The following SLC38A12 variants were observed in gnomAD, a reference collection of about 807,000 sequenced individuals.
SLC38A12 encodes solute carrier family 38 member 12.
chr17:74,838,816 G>A, the SLC38A12 span: 50 of 1,515,470 alleles, frequency 3.3e-5, no homozygotes, highest in African/African-American at 4.1e-5. Context: ...ACGTGCATCC[G>A]GCACGTTTCA....
chr17:74,831,268 G>A, the SLC38A12 span, among the ~76,000 whole-genome samples: 3 of 152,114 alleles, frequency 2.0e-5, no homozygotes, highest in African/African-American at 7.2e-5. Flanking sequence ...CTGGACTCTG[G>A]TACCCTGGAC....
the SLC38A12 span, chr17:74,788,903 C>T: frequency 5.6e-6 from 9 of 1,596,074 alleles, no homozygotes; most frequent in East Asian, 4.5e-5. Flanking sequence ...CGGGCCATGC[C>T]TCTGTTCCGT....
chr17:74,806,650 A>G, the SLC38A12 span, among the ~76,000 whole-genome samples: 1 of 152,100 alleles, frequency 6.6e-6, no homozygotes, highest in Admixed American at 6.5e-5. Context: ...CGTGGGGAAG[A>G]AAGGCTTCTC....
chr17:74,801,915 GTCAC>G, the SLC38A12 span, among the ~76,000 whole-genome samples: 2 of 151,988 alleles, frequency 1.3e-5, no homozygotes, highest in Non-Finnish European at 2.9e-5. Flanking sequence ...CAGGTTGCCT[GTCAC>G]TCACTCCCAC....
At chr17:74,816,397 G>T in the SLC38A12 span, among the ~76,000 whole-genome samples, 9 of 152,206 alleles carry the variant, frequency 5.9e-5, no homozygotes, top group Non-Finnish European at 1.2e-4. Context: ...GCATGTAAGG[G>T]ACACAGGAGG....
At chr17:74,838,582 G>C in the SLC38A12 span, 18 of 1,244,648 alleles carry the variant, frequency 1.4e-5, no homozygotes, top group Non-Finnish European at 1.7e-5. Context: ...TCCCTGCCCT[G>C]GAGGGAACTG....
the SLC38A12 span, among the ~76,000 whole-genome samples, chr17:74,814,553 G>A: frequency 4.8e-3 from 728 of 152,342 alleles, 4 homozygotes; most frequent in African/African-American, 0.016. Context: ...CCTCAGCTGC[G>A]TTGGGAAGAG....
the SLC38A12 span, among the ~76,000 whole-genome samples, chr17:74,818,628 C>T: frequency 6.6e-6 from 1 of 152,226 alleles, no homozygotes; most frequent in South Asian, 2.1e-4. Context: ...ACCCAGATGA[C>T]AGGCCAGAGC....
the SLC38A12 span, chr17:74,794,922 G>A: frequency 1.9e-6 from 2 of 1,046,826 alleles, no homozygotes; most frequent in Non-Finnish European, 2.9e-6. Context: ...TATGGGAGAG[G>A]TAGAGATTTA....
At chr17:74,796,455 G>A in the SLC38A12 span, among the ~76,000 whole-genome samples, 1 of 152,214 alleles carries the variant, frequency 6.6e-6, no homozygotes, top group Admixed American at 6.5e-5. Flanking sequence ...CAGGGAGCTG[G>A]CCTCCCGGCT....
At chr17:74,780,905 G>A in the SLC38A12 span, among the ~76,000 whole-genome samples, 1 of 152,116 alleles carries the variant, frequency 6.6e-6, no homozygotes, top group Non-Finnish European at 1.5e-5. Flanking sequence ...GTTCTTAAAG[G>A]TTCCTAAGTT....
chr17:74,800,678 G>A, the SLC38A12 span, among the ~76,000 whole-genome samples: 2 of 152,216 alleles, frequency 1.3e-5, no homozygotes, highest in East Asian at 1.9e-4. Context: ...ACACTGTGCC[G>A]CCTGCCTCCC....
At chr17:74,807,208 G>C in the SLC38A12 span, among the ~76,000 whole-genome samples, 77,098 of 151,210 alleles carry the variant, frequency 0.51, 20,387 homozygotes, top group African/African-American at 0.65. Flanking sequence ...AGGAGCGTTC[G>C]TCTAGTCCAC....
chr17:74,816,512 G>C, the SLC38A12 span, among the ~76,000 whole-genome samples: 8 of 152,192 alleles, frequency 5.3e-5, no homozygotes, highest in Non-Finnish European at 8.8e-5. Context: ...TCTCCATCAA[G>C]ACTTCAGCAA....
At chr17:74,810,111 G>A in the SLC38A12 span, among the ~76,000 whole-genome samples, 15 of 152,178 alleles carry the variant, frequency 9.9e-5, no homozygotes, top group South Asian at 4.1e-4. Flanking sequence ...GTGTCCTCCC[G>A]TCTTTGAGAA....
the SLC38A12 span, among the ~76,000 whole-genome samples, chr17:74,824,508 C>T: frequency 6.6e-6 from 1 of 152,186 alleles, no homozygotes; most frequent in Admixed American, 6.5e-5. Context: ...TTACTTCAGT[C>T]CCATTACCAA....
At chr17:74,794,928 A>C in the SLC38A12 span, 1 of 1,118,894 alleles carries the variant, frequency 8.9e-7, no homozygotes, top group Non-Finnish European at 1.3e-6. Context: ...AGAGGTAGAG[A>C]TTTAGTCAAA....
chr17:74,838,725 T>C, the SLC38A12 span: 1 of 1,443,446 alleles, frequency 6.9e-7, no homozygotes, highest in Non-Finnish European at 9.1e-7. Context: ...GCCAGGCTTC[T>C]GCCGCTGACG....
chr17:74,836,318 G>A, the SLC38A12 span: 1 of 1,612,998 alleles, frequency 6.2e-7, no homozygotes. This position sits in a 1 kb window ranked among gnomAD's most constrained non-coding sequence, Gnocchi z 4.2. Flanking sequence ...TCATTGCCGT[G>A]ACCCTGCGCA....
Sources: allele counts gnomAD v4.1 joint callset (sites outside exome capture counted in the v4.1 genomes callset), GRCh38; gene constraint gnomAD v4.1.1; non-coding constraint Gnocchi (gnomAD v3.1); transcripts MANE v1.5; gene names NCBI Gene and HGNC (gene_info 2026-07-23, HGNC 2026-07-21).